The following PTPRN2 variants were observed in gnomAD, a reference collection of about 807,000 sequenced individuals.
PTPRN2 encodes protein tyrosine phosphatase receptor type N2, also known as receptor-type tyrosine-protein phosphatase N2.
Under a neutral mutation model 118.8 loss-of-function variants are expected in PTPRN2, and 74 were observed. The ratio of observed to expected loss-of-function variants is 0.62; its 90% CI spans 0.52 to 0.76. The LOEUF (loss-of-function observed/expected upper bound fraction) is 0.76. PTPRN2 is among the 30% of genes least tolerant of loss of function. PTPRN2 has a pLI of 0.00. For missense variants in PTPRN2, 1,481 were observed against 1,394.4 expected (o/e 1.06, Z -0.99); for synonymous variants, 641 against 608.0 (o/e 1.05, Z -0.80).
At position 158,237,726 on chromosome 7, in the gene PTPRN2, C is replaced by G; in HGVS notation, c.278-32453G>C. On this transcript the variant is annotated intron_variant, in intron 3 of 22. Coordinates refer to ENST00000389418, the MANE Select transcript of PTPRN2 (RefSeq NM_002847.5). ...CTCTCGTCCCACCTTACGAGAAACA[C>G]CCACAGGTGTGTAGGGGCAACCCAC... Among the ~76,000 whole-genome samples the G allele has an allele frequency of 2.2e-4, 2 of 8,924 alleles. 1 individual carries two copies. Among genetic ancestry groups the G allele is most frequent in the Non-Finnish European group, 3.5e-4 (2 of 5,746 alleles). The allele number at this position is 8,924 out of a possible 152,430, so 5.9% of individuals were successfully genotyped here. A position where few individuals can be genotyped will look rare whatever the true frequency, so the allele number is the denominator to read the frequency against.
rs1800719857 is a variant in PTPRN2, at chr7:157,587,139, G to A, written c.2496+8099C>T. Among the ~76,000 whole-genome samples the A allele has an allele frequency of 1.3e-5, 2 of 152,018 alleles. No individual in the cohort carries two copies. Among genetic ancestry groups the A allele is most frequent in the African/African-American group, 4.8e-5 (2 of 41,396 alleles). ...ACACAGCAGACAGGCAGATACACAG[G>A]CAGGCAGACAGGCAGACAGGCAGGC... On this transcript the variant is annotated intron_variant, in intron 17 of 22. Coordinates refer to ENST00000389418, the MANE Select transcript of PTPRN2 (RefSeq NM_002847.5). This position sits in a 1 kb window ranked among gnomAD's most constrained non-coding sequence, Gnocchi z 5.3.
rs141039700 is a variant in PTPRN2, at chr7:157,599,405, T to C, written c.2419-4090A>G. Among the ~76,000 whole-genome samples, 470 of 152,332 alleles carry C rather than the reference T, an allele frequency of 3.1e-3. 6 individuals carry two copies. Among genetic ancestry groups the C allele is most frequent in the African/African-American group, 0.011 (439 of 41,568 alleles). ...TATGAAGATGTCATATGAACTAGGA[T>C]GCTAGTGAGGTGTGTTCCTCTGTCT... is the stretch of plus-strand genomic sequence containing the variant. On this transcript the variant is annotated intron_variant, in intron 16 of 22. Transcript: ENST00000389418.
At chr7:158,111,075 G>A (rs943673669) in intron 9 of PTPRN2, among the ~76,000 whole-genome samples, 160 bp from the exon 10 acceptor site, 44 of 152,236 alleles carry the variant, frequency 2.9e-4, no homozygotes, top group Non-Finnish European at 2.6e-4. Context: ...AGTCACCTGA[G>A]TTTCCAGCAA....
At chr7:157,816,346 T>TAG (rs1359218851) in intron 12 of PTPRN2, among the ~76,000 whole-genome samples, 1 of 152,166 alleles carries the variant, frequency 6.6e-6, no homozygotes, top group East Asian at 1.9e-4. Flanking sequence ...GGTTCCACCC[T>TAG]AAACTGGCTG....
At chr7:157,760,314 G>T (rs1321681887) in intron 12 of PTPRN2, among the ~76,000 whole-genome samples, 1 of 151,816 alleles carries the variant, frequency 6.6e-6, no homozygotes, top group Non-Finnish European at 1.5e-5. Flanking sequence ...ACAGCGATTT[G>T]TGCTTTGCAG....
chr7:157,747,088 T>C lies in PTPRN2; in HGVS notation c.1789-64151A>G, dbSNP rs1443801863. Among the ~76,000 whole-genome samples the C allele has an allele frequency of 1.8e-3, 178 of 99,698 alleles. 1 individual carries two copies. Among genetic ancestry groups the C allele is most frequent in the African/African-American group, 6.3e-3 (133 of 21,228 alleles). The allele number at this position is 99,698 out of a possible 152,430, so 65.4% of individuals were successfully genotyped here. On this transcript the variant is annotated intron_variant, in intron 12 of 22. Coordinates refer to ENST00000389418, the MANE Select transcript of PTPRN2 (RefSeq NM_002847.5). Reference sequence around the variant, plus strand: ...TCCGGGTGATTCTGAGGCCTGCATCTCTGAGCTGTGGGCTGTTGAGGCGAT... The same window carrying C: ...TCCGGGTGATTCTGAGGCCTGCATCCCTGAGCTGTGGGCTGTTGAGGCGAT...
intron 3 of PTPRN2, among the ~76,000 whole-genome samples, chr7:158,254,787 C>CA (rs1796918577): frequency 6.6e-6 from 1 of 152,264 alleles, no homozygotes; most frequent in Admixed American, 6.5e-5. Context: ...CACCTCCCTA[C>CA]AGGACAGGAA....
chr7:158,490,363 G>A (rs1821357199), intron 1 of PTPRN2, among the ~76,000 whole-genome samples: 1 of 152,226 alleles, frequency 6.6e-6, no homozygotes, highest in Non-Finnish European at 1.5e-5. Flanking sequence ...AGGCCAGCGC[G>A]GCTGGGCCAG....
intron 1 of PTPRN2, among the ~76,000 whole-genome samples, chr7:158,520,917 G>T (rs535489514): frequency 6.6e-6 from 1 of 152,238 alleles, no homozygotes; most frequent in South Asian, 2.1e-4. Context: ...TGGATACGCT[G>T]GGCAAACCAC....
Position 157,874,685 on chromosome 7 carries a change from G to A in PTPRN2, c.1788+23988C>T, listed in dbSNP as rs1465167314. 2.0e-5 allele frequency among the ~76,000 whole-genome samples: 3 copies of A among 152,114 alleles called. No individual in the cohort carries two copies. Among genetic ancestry groups the A allele is most frequent in the Non-Finnish European group, 4.4e-5 (3 of 68,006 alleles). On this transcript the variant is annotated intron_variant, in intron 12 of 22. Transcript: ENST00000389418. This position sits in a 1 kb window ranked among gnomAD's most constrained non-coding sequence, Gnocchi z 5.8. ...CAAGGCAGGGGTTTGCTTGCAGGTA[G>A]CAAAGTAACCCAAGCAGACACACAC...
At chr7:158,136,079 C>G (rs978373989) in intron 8 of PTPRN2, among the ~76,000 whole-genome samples, 1 of 152,242 alleles carries the variant, frequency 6.6e-6, no homozygotes, top group Non-Finnish European at 1.5e-5. Flanking sequence ...GCAGTGCCCA[C>G]GGGGGCTCTG....
At chr7:158,363,385 C>A (rs1809164602) in intron 2 of PTPRN2, among the ~76,000 whole-genome samples, 2 of 152,128 alleles carry the variant, frequency 1.3e-5, no homozygotes, top group Non-Finnish European at 2.9e-5. Flanking sequence ...CTAAGTCACA[C>A]CCACGCTGGA....
intron 6 of PTPRN2, among the ~76,000 whole-genome samples, chr7:158,164,537 TAGGGAAGG>T (rs1563543365): frequency 7.2e-4 from 2 of 2,784 alleles, no homozygotes; most frequent in East Asian, 0.028. Flanking sequence ...AGCGCGCACG[TAGGGAAGG>T]CGCGCACGTA....
chr7:158,404,688 TCAGCTCCCG>T (rs1813219907), intron 2 of PTPRN2, among the ~76,000 whole-genome samples: 2 of 95,708 alleles, frequency 2.1e-5, no homozygotes, highest in African/African-American at 4.2e-5. Context: ...CTCCTTGGCC[TCAGCTCCCG>T]GGCCTCCAGC....
At chr7:158,176,501 G>A (rs867279681) in intron 5 of PTPRN2, among the ~76,000 whole-genome samples, 1 of 152,154 alleles carries the variant, frequency 6.6e-6, no homozygotes, top group African/African-American at 2.4e-5. Context: ...CACCAAACAC[G>A]CCGAGTGAAC....
At chr7:158,453,950 C>G (rs1818270079) in intron 2 of PTPRN2, among the ~76,000 whole-genome samples, 1 of 80,056 alleles carries the variant, frequency 1.2e-5, no homozygotes, top group African/African-American at 4.6e-5. Flanking sequence ...CACACACAAT[C>G]ACCGATGTCA....
chr7:158,568,028 A>G (rs1394390799), intron 1 of PTPRN2, among the ~76,000 whole-genome samples: 1 of 152,214 alleles, frequency 6.6e-6, no homozygotes, highest in African/African-American at 2.4e-5. Flanking sequence ...TGATGCAGGC[A>G]GATCACTTGA....
intron 2 of PTPRN2, among the ~76,000 whole-genome samples, chr7:158,400,189 C>A (rs892909725): frequency 5.3e-5 from 8 of 152,126 alleles, no homozygotes; most frequent in Admixed American, 4.6e-4. Context: ...CCACAAACAT[C>A]AAGAATTTTG....
intron 3 of PTPRN2, among the ~76,000 whole-genome samples, chr7:158,303,976 C>T (rs1023623925): frequency 6.6e-6 from 1 of 152,254 alleles, no homozygotes; most frequent in African/African-American, 2.4e-5. Flanking sequence ...GGATGGGCTT[C>T]AGCTTGGATT....
Sources: allele counts gnomAD v4.1 joint callset (sites outside exome capture counted in the v4.1 genomes callset), GRCh38; gene constraint gnomAD v4.1.1; non-coding constraint Gnocchi (gnomAD v3.1); transcripts MANE v1.5; gene names NCBI Gene and HGNC (gene_info 2026-07-23, HGNC 2026-07-21).